Variants in SORCS1 observed in about 807,000 individuals in gnomAD.
SORCS1 encodes the protein sortilin related VPS10 domain containing receptor 1.
In SORCS1, 60 loss-of-function variants were observed where a neutral mutation model predicts 146.1. The ratio of observed to expected loss-of-function variants is 0.41; its 90% CI spans 0.33 to 0.51. The LOEUF is 0.51. Ranked by LOEUF, SORCS1 falls within the 20% of genes least tolerant of loss-of-function variation. The pLI is 0.21. For synonymous variants in SORCS1, 637 were observed against 584.0 expected (o/e 1.09, Z -1.31); for missense variants, 1,352 against 1,487.6 (o/e 0.91, Z 1.50).
chr10:107,009,816 CA>C (rs1387748276), intron 1 of SORCS1, among the ~76,000 whole-genome samples: 3 of 152,026 alleles, frequency 2.0e-5, no homozygotes, highest in African/African-American at 7.2e-5. Context: ...TTGAGAGATG[CA>C]AATAATTATT....
At chr10:107,007,419 G>A (rs1246404675) in intron 1 of SORCS1, among the ~76,000 whole-genome samples, 1 of 152,210 alleles carries the variant, frequency 6.6e-6, no homozygotes, top group Non-Finnish European at 1.5e-5. Context: ...ACCCTTTGGA[G>A]AGACCCTAAT....
At chr10:107,103,744 T>C (rs980341730) in intron 1 of SORCS1, among the ~76,000 whole-genome samples, 7 of 152,190 alleles carry the variant, frequency 4.6e-5, no homozygotes, top group African/African-American at 1.7e-4. Context: ...GGCATTTACA[T>C]TTCAGTAGGA....
intron 9 of SORCS1, among the ~76,000 whole-genome samples, chr10:106,688,771 T>A (rs974395454): frequency 1.3e-5 from 2 of 152,212 alleles, no homozygotes; most frequent in African/African-American, 4.8e-5. Context: ...ATTTCACAGA[T>A]GAAGAAAGCT....
At chr10:107,034,710 A>AAAAAAAAAAAAAAAAAAAAAAAAAT (rs1958820130) in intron 1 of SORCS1, among the ~76,000 whole-genome samples, 1 of 143,270 alleles carries the variant, frequency 7.0e-6, no homozygotes, top group Non-Finnish European at 1.5e-5. Flanking sequence ...AAAAAAAACA[A>AAAAAAAAAAAAAAAAAAAAAAAAAT]TGTTCATAGA....
chr10:106,609,694 C>T lies in SORCS1; in HGVS notation c.3033+2217G>A, dbSNP rs527960473. 6.5e-4 allele frequency among the ~76,000 whole-genome samples: 99 copies of T among 152,348 alleles called. 1 individual carries two copies. The highest frequency in any genetic ancestry group is 2.2e-3 in the African/African-American group (93 of 41,582). ...GGGATAATGAGTCAATCTGTTTATT[C>T]TGCATATTCCTGATTATGCTACACA... On this transcript the variant is annotated intron_variant, in intron 22 of 25. Transcript: ENST00000263054.
intron 9 of SORCS1, among the ~76,000 whole-genome samples, chr10:106,697,602 A>G (rs1009403129): frequency 9.5e-5 from 4 of 42,086 alleles, no homozygotes; most frequent in African/African-American, 1.7e-4. Context: ...TGTTAAGGCT[A>G]TGAGAGTAGA....
Position 106,847,956 on chromosome 10 carries a change from A to ACG in SORCS1, c.627-18284_627-18283insCG, listed in dbSNP as rs1405095109. Among the ~76,000 whole-genome samples the ACG allele has an allele frequency of 5.4e-4, 82 of 150,708 alleles. 1 individual carries two copies. Among genetic ancestry groups the ACG allele is most frequent in the Admixed American group, 1.1e-3 (16 of 15,164 alleles). On this transcript the variant is annotated intron_variant, in intron 2 of 25. Coordinates refer to ENST00000263054, the MANE Select transcript of SORCS1 (RefSeq NM_052918.5). ...TGCACTGTGGTCTGAGAGATAGTTT[A>ACG]TTATAATTTCTGTTCTTTTACATTT...
rs929903286 is a variant in SORCS1 at position 106,990,476 on chromosome 10, G to C, written c.559-33896C>G. Among the ~76,000 whole-genome samples the C allele has an allele frequency of 2.8e-4, 43 of 152,036 alleles. 2 individuals carry two copies. Among genetic ancestry groups the C allele is most frequent in the African/African-American group, 1.0e-3 (43 of 41,494 alleles). ...GTAGAGATGGGTTTTCACCATGTTGGCCAGGCTGGTCTCGAACTCCTGACC... is the reference window on the plus strand; with the variant it reads ...GTAGAGATGGGTTTTCACCATGTTGCCCAGGCTGGTCTCGAACTCCTGACC... On this transcript the variant is annotated intron_variant, in intron 1 of 25. Transcript: ENST00000263054.
At chr10:106,721,502 C>G (rs577457683) in intron 6 of SORCS1, among the ~76,000 whole-genome samples, 1 of 152,296 alleles carries the variant, frequency 6.6e-6, no homozygotes, top group East Asian at 1.9e-4. Flanking sequence ...CTCAACCTCA[C>G]TCCTAATTAA....
chr10:106,924,322 T>C (rs554457474), intron 2 of SORCS1, among the ~76,000 whole-genome samples: 9 of 151,832 alleles, frequency 5.9e-5, no homozygotes, highest in South Asian at 2.1e-4. Flanking sequence ...ATGATAATGA[T>C]AGTGTCTGAG....
At chr10:106,673,451 T>A (rs913279987) in intron 14 of SORCS1, among the ~76,000 whole-genome samples, 1 of 152,070 alleles carries the variant, frequency 6.6e-6, no homozygotes, top group Non-Finnish European at 1.5e-5. Flanking sequence ...TATTACTGGA[T>A]CCACTTCGCA....
intron 2 of SORCS1, among the ~76,000 whole-genome samples, chr10:106,848,137 C>G (rs1394133579): frequency 1.4e-4 from 13 of 90,448 alleles, no homozygotes; most frequent in Middle Eastern, 8.6e-3. Flanking sequence ...TCCTGGGTAT[C>G]CTTGTTGACT....
intron 2 of SORCS1, among the ~76,000 whole-genome samples, chr10:106,875,204 A>G (rs1156588592): frequency 1.3e-5 from 2 of 152,182 alleles, no homozygotes; most frequent in Non-Finnish European, 2.9e-5. Context: ...CTAAGTGAGA[A>G]CAAACGGTAT....
chr10:107,160,799 T>C (rs1969644308), intron 1 of SORCS1, among the ~76,000 whole-genome samples: 1 of 152,208 alleles, frequency 6.6e-6, no homozygotes, highest in African/African-American at 2.4e-5. Context: ...TACAGCACTT[T>C]AAAATCCCTT....
chr10:107,116,025 T>C (rs1223999127), intron 1 of SORCS1, among the ~76,000 whole-genome samples: 1 of 152,038 alleles, frequency 6.6e-6, no homozygotes, highest in African/African-American at 2.4e-5. Context: ...GTGCTCAACA[T>C]CACTAATAAT....
At chr10:107,069,509 G>C (rs1265958078) in intron 1 of SORCS1, among the ~76,000 whole-genome samples, 1 of 151,944 alleles carries the variant, frequency 6.6e-6, no homozygotes, top group Non-Finnish European at 1.5e-5. Context: ...CCGAGTAGCT[G>C]GGATTACAGG....
chr10:106,836,882 G>A (rs12258491), intron 2 of SORCS1, among the ~76,000 whole-genome samples: 5,796 of 152,208 alleles, frequency 0.038, 295 homozygotes, highest in East Asian at 0.24. Flanking sequence ...ACTTGATGAT[G>A]CCTCATTAAG....
At chr10:107,076,734 A>C (rs750240436) in intron 1 of SORCS1, among the ~76,000 whole-genome samples, 5 of 152,112 alleles carry the variant, frequency 3.3e-5, no homozygotes, top group Admixed American at 1.3e-4. Context: ...ATTGAGGTGA[A>C]CATCATGGTG....
chr10:107,073,417 C>T (rs922082936), intron 1 of SORCS1, among the ~76,000 whole-genome samples: 1 of 152,112 alleles, frequency 6.6e-6, no homozygotes, highest in Admixed American at 6.5e-5. Context: ...CCACTGCCCT[C>T]AAGGATTCTG....
Sources: allele counts gnomAD v4.1 joint callset (sites outside exome capture counted in the v4.1 genomes callset), GRCh38; gene constraint gnomAD v4.1.1; transcripts MANE v1.5; gene names NCBI Gene and HGNC (gene_info 2026-07-23, HGNC 2026-07-21).